The following PCP4 variants were observed in gnomAD, a reference collection of about 807,000 sequenced individuals.
The protein encoded by PCP4 is calmodulin regulator protein PCP4.
Under a neutral mutation model 10.0 loss-of-function variants are expected in PCP4, and 8 were observed. The ratio of observed to expected loss-of-function variants is 0.80; its 90% CI spans 0.47 to 1.45. The LOEUF (loss-of-function observed/expected upper bound fraction) is 1.45, where lower values mean the gene tolerates loss of function less well. PCP4 is among the 40% of genes most tolerant of loss of function. PCP4 has a pLI of 0.00. For missense variants in PCP4, 54 were observed against 74.4 expected, an observed-to-expected ratio of 0.73 and a Z score of 1.01; for synonymous variants, 21 against 23.0, an observed-to-expected ratio of 0.91 and a Z score of 0.24.
At chr21:39,925,712 C>T (rs2087617680) in intron 2 of PCP4, among the ~76,000 whole-genome samples, 1 of 152,146 alleles carries the variant, frequency 6.6e-6, no homozygotes, top group Non-Finnish European at 1.5e-5. Flanking sequence ...TGGGTATCAG[C>T]AGTAGAAAGG....
chr21:39,905,600 G>T (rs192105392), intron 2 of PCP4, among the ~76,000 whole-genome samples: 1 of 152,270 alleles, frequency 6.6e-6, no homozygotes, highest in African/African-American at 2.4e-5. Context: ...TTCAGAGTGA[G>T]CATTATAATA....
intron 1 of PCP4, among the ~76,000 whole-genome samples, chr21:39,884,800 AAGAGAGAG>A (rs3988433): frequency 6.7e-6 from 1 of 149,014 alleles, no homozygotes; most frequent in South Asian, 2.1e-4. Flanking sequence ...CCGTCTTAAA[AAGAGAGAG>A]AGAGAGAGAG....
At chr21:39,912,835 G>A (rs1395154131) in intron 2 of PCP4, among the ~76,000 whole-genome samples, 2 of 152,120 alleles carry the variant, frequency 1.3e-5, no homozygotes, top group African/African-American at 4.8e-5. Flanking sequence ...TCAGCCTCCA[G>A]AGTAGCTGGG....
intron 2 of PCP4, among the ~76,000 whole-genome samples, chr21:39,900,775 G>A (rs189951953): frequency 6.6e-5 from 10 of 152,068 alleles, no homozygotes; most frequent in African/African-American, 9.6e-5. Flanking sequence ...TCCTTAGCTC[G>A]GAACTCGACT....
chr21:39,881,039 A>G (rs1234605316), intron 1 of PCP4, among the ~76,000 whole-genome samples: 1 of 151,994 alleles, frequency 6.6e-6, no homozygotes, highest in Non-Finnish European at 1.5e-5. Flanking sequence ...GGAGAGTAGA[A>G]TTTTCACTTC....
chr21:39,883,619 G>C (rs2087386387), intron 1 of PCP4: 1 of 152,176 alleles, frequency 6.6e-6, no homozygotes, highest in Non-Finnish European at 1.5e-5. Context: ...GGAGTCTCTT[G>C]ACATCCATGT....
At chr21:39,894,527 A>G (rs2087448079) in intron 1 of PCP4, among the ~76,000 whole-genome samples, 1 of 152,214 alleles carries the variant, frequency 6.6e-6, no homozygotes, top group Admixed American at 6.5e-5. Context: ...GAGAACTTGT[A>G]CTGCCTTCTG....
chr21:39,884,974 G>A (rs2087393036), intron 1 of PCP4, among the ~76,000 whole-genome samples: 1 of 152,182 alleles, frequency 6.6e-6, no homozygotes, highest in Non-Finnish European at 1.5e-5. Flanking sequence ...ACCGTTTTGA[G>A]TATAGCATGA....
intron 2 of PCP4, among the ~76,000 whole-genome samples, chr21:39,915,090 TAC>T (rs1389963221): frequency 6.6e-6 from 1 of 152,090 alleles, no homozygotes; most frequent in South Asian, 2.1e-4. Flanking sequence ...CTTGAAAAAC[TAC>T]ACAGTTTCCA....
chr21:39,924,434 G>A (rs566353585), intron 2 of PCP4, among the ~76,000 whole-genome samples: 14 of 152,280 alleles, frequency 9.2e-5, no homozygotes, highest in African/African-American at 2.9e-4. Flanking sequence ...CTTCTGCAGG[G>A]TGCCTGGCTC....
intron 2 of PCP4, among the ~76,000 whole-genome samples, chr21:39,910,771 G>A (rs892442494): frequency 7.9e-5 from 12 of 152,182 alleles, no homozygotes; most frequent in African/African-American, 2.4e-4. Flanking sequence ...GGTCTTCCTC[G>A]CCCTTTAGCC....
intron 1 of PCP4, among the ~76,000 whole-genome samples, chr21:39,884,455 A>G (rs1042736277): frequency 2.8e-4 from 42 of 152,028 alleles, no homozygotes; most frequent in Non-Finnish European, 1.3e-4. Context: ...CTGGGATTAC[A>G]GGAGTGAGCC....
At chr21:39,875,778 A>G (rs1044488869) in intron 1 of PCP4, among the ~76,000 whole-genome samples, 1 of 152,218 alleles carries the variant, frequency 6.6e-6, no homozygotes, top group Non-Finnish European at 1.5e-5. Context: ...AAATTTGACC[A>G]TGTATACACA....
intron 1 of PCP4, among the ~76,000 whole-genome samples, chr21:39,897,181 A>G (rs2087460884): frequency 6.6e-6 from 1 of 152,084 alleles, no homozygotes; most frequent in Non-Finnish European, 1.5e-5. Flanking sequence ...TGGGGTCACG[A>G]GTTCGAGACC....
chr21:39,914,810 T>C (rs2087560907), intron 2 of PCP4, among the ~76,000 whole-genome samples: 1 of 152,048 alleles, frequency 6.6e-6, no homozygotes, highest in African/African-American at 2.4e-5. Context: ...ATTTTTAGAG[T>C]TTAATGCTTT....
At chr21:39,869,235 C>T (rs1232837302) in intron 1 of PCP4, among the ~76,000 whole-genome samples, 1 of 152,158 alleles carries the variant, frequency 6.6e-6, no homozygotes, top group Non-Finnish European at 1.5e-5. Flanking sequence ...AGGCTTCTGG[C>T]CAGCAAGGTG....
At chr21:39,870,478 G>A (rs1247886569) in intron 1 of PCP4, among the ~76,000 whole-genome samples, 1 of 152,136 alleles carries the variant, frequency 6.6e-6, no homozygotes, top group Non-Finnish European at 1.5e-5. Context: ...AGTTTACAAG[G>A]TGCATTCTTT....
At chr21:39,874,028 A>G (rs1423534402) in intron 1 of PCP4, among the ~76,000 whole-genome samples, 1 of 152,216 alleles carries the variant, frequency 6.6e-6, no homozygotes, top group Non-Finnish European at 1.5e-5. Context: ...ATTATTTTAT[A>G]TTTTACTCTT....
intron 2 of PCP4, among the ~76,000 whole-genome samples, chr21:39,909,898 C>T (rs928659973): frequency 4.6e-5 from 7 of 151,538 alleles, no homozygotes; most frequent in Non-Finnish European, 8.8e-5. Flanking sequence ...CGGGTTCAAG[C>T]GATTCTCCTG....
Sources: gnomAD v4.1 joint callset for allele counts (sites outside exome capture counted in the v4.1 genomes callset) on GRCh38, gnomAD v4.1.1 for gene constraint, MANE v1.5 for transcripts, NCBI Gene and HGNC (gene_info 2026-07-23, HGNC 2026-07-21) for gene names.